Variants in ANKFN1 observed in about 807,000 individuals in gnomAD.
The protein encoded by ANKFN1 is ankyrin repeat and fibronectin type-III domain-containing protein 1.
ANKFN1 carries 74 observed loss-of-function variants against 108.7 expected under a neutral mutation model. That is an observed-to-expected ratio of 0.68 (90% CI 0.56 to 0.83). ANKFN1 has a LOEUF of 0.83. Among genes scored for constraint, ANKFN1 ranks in the 40% least tolerant of loss-of-function variants. The pLI is 0.00. For synonymous variants in ANKFN1, 547 were observed against 516.2 expected (o/e 1.06, Z -0.81); for missense variants, 1,505 against 1,382.3 (o/e 1.09, Z -1.41).
chr17:56,064,912 G>A (rs1476436509), intron 4 of ANKFN1, among the ~76,000 whole-genome samples: 1 of 152,156 alleles, frequency 6.6e-6, no homozygotes. Context: ...AAAAAGCATG[G>A]TTTCCCCACC....
intron 4 of ANKFN1, among the ~76,000 whole-genome samples, chr17:56,049,887 A>G (rs978102105): frequency 2.0e-5 from 3 of 151,494 alleles, no homozygotes; most frequent in Non-Finnish European, 2.9e-5. Flanking sequence ...CATGATTTAT[A>G]GTCCTTTGGG....
chr17:56,051,751 C>T (rs1312635021), intron 4 of ANKFN1, among the ~76,000 whole-genome samples: 1 of 149,096 alleles, frequency 6.7e-6, no homozygotes, highest in Non-Finnish European at 1.5e-5. Context: ...GTACAAAAAT[C>T]ACAAGCATTC....
intron 3 of ANKFN1, among the ~76,000 whole-genome samples, chr17:56,312,464 C>G (rs886366786): frequency 2.6e-5 from 4 of 152,150 alleles, no homozygotes; most frequent in African/African-American, 9.7e-5. Context: ...TCCTTTCACA[C>G]TCCTTTAGTT....
rs1235900138 is a variant in ANKFN1 at position 56,510,599 on chromosome 17, T to C, written c.2771T>C (p.Ile924Thr). Residue 924 changes from isoleucine (I) to threonine (T), a missense_variant, in exon 21 of 21, where the codon ATT becomes ACT. Transcript: ENST00000682825. Reference protein sequence around the residue: ...LDLVYLSSHDIAQQTLSGLSG... With the variant: ...LDLVYLSSHDTAQQTLSGLSG... ...CTGGTCTACCTATCATCTCACGACA[T>C]TGCGCAGCAGACCCTTAGCGGCCTA... 13 of 1,536,032 alleles carry C rather than the reference T, an allele frequency of 8.5e-6. No individual in the cohort carries two copies. The highest frequency in any genetic ancestry group is 3.6e-5 in the South Asian group (3 of 84,064).
At chr17:56,083,319 G>A (rs1162231100) in intron 4 of ANKFN1, among the ~76,000 whole-genome samples, 6 of 151,246 alleles carry the variant, frequency 4.0e-5, no homozygotes, top group Admixed American at 3.3e-4. Context: ...AATGTATTTT[G>A]TGCACCTATC....
chr17:56,337,440 G>A (rs1014310328), intron 4 of ANKFN1, among the ~76,000 whole-genome samples: 2 of 152,008 alleles, frequency 1.3e-5, no homozygotes, highest in Non-Finnish European at 2.9e-5. Context: ...AAAAGCAATG[G>A]CAACAAAAGC....
intron 15 of ANKFN1, among the ~76,000 whole-genome samples, chr17:56,467,798 GAAAGAAAGAAAGAAAGA>G (rs2050159262): frequency 6.8e-4 from 21 of 30,852 alleles, no homozygotes; most frequent in African/African-American, 9.9e-4. Context: ...AAAGAAGAAA[GAAAGAAAGAAAGAAAGA>G]AAGAAAGAAA....
chr17:56,067,750 A>G (rs1905077112), intron 4 of ANKFN1, among the ~76,000 whole-genome samples: 1 of 152,234 alleles, frequency 6.6e-6, no homozygotes, highest in Non-Finnish European at 1.5e-5. Flanking sequence ...AGCTTTCCTC[A>G]GCTTACCAGC....
At chr17:56,345,641 C>A (rs1465110430) in intron 4 of ANKFN1, among the ~76,000 whole-genome samples, 1 of 152,126 alleles carries the variant, frequency 6.6e-6, no homozygotes, top group East Asian at 1.9e-4. Context: ...CTCTAATGAC[C>A]AGTGATGATA....
chr17:56,302,178 C>T (rs369502629), intron 3 of ANKFN1, among the ~76,000 whole-genome samples: 2 of 152,154 alleles, frequency 1.3e-5, no homozygotes, highest in South Asian at 4.1e-4. Context: ...GTTAAAAAAA[C>T]TTGTCCAAAT....
intron 4 of ANKFN1, among the ~76,000 whole-genome samples, chr17:56,049,593 C>T (rs1377301685): frequency 1.3e-5 from 2 of 151,658 alleles, no homozygotes; most frequent in Non-Finnish European, 2.9e-5. Context: ...TTCCTGTGTC[C>T]ATGTGTTCTC....
At chr17:56,322,488 C>T (rs1458924001) in intron 3 of ANKFN1, among the ~76,000 whole-genome samples, 1 of 152,178 alleles carries the variant, frequency 6.6e-6, no homozygotes, top group Non-Finnish European at 1.5e-5. Flanking sequence ...TATGGCATAA[C>T]ATCCAAACTC....
chr17:56,427,799 G>A (rs2048617706), intron 8 of ANKFN1, among the ~76,000 whole-genome samples: 1 of 152,168 alleles, frequency 6.6e-6, no homozygotes, highest in African/African-American at 2.4e-5. Flanking sequence ...AGATAAGAGA[G>A]ACAGGAGTTT....
At chr17:56,419,866 G>T (rs1190470567) in intron 8 of ANKFN1, among the ~76,000 whole-genome samples, 1 of 151,122 alleles carries the variant, frequency 6.6e-6, no homozygotes, top group Non-Finnish European at 1.5e-5. Flanking sequence ...TAAATAATCT[G>T]ATTTTGCTCT....
intron 4 of ANKFN1, among the ~76,000 whole-genome samples, chr17:56,087,878 C>G (rs1209202916): frequency 6.6e-6 from 1 of 151,274 alleles, no homozygotes; most frequent in Non-Finnish European, 1.5e-5. Context: ...AAGCCCTTTA[C>G]AGAAAGAGTT....
intron 8 of ANKFN1, among the ~76,000 whole-genome samples, chr17:56,382,866 A>G (rs547995617): frequency 1.4e-4 from 21 of 152,316 alleles, no homozygotes; most frequent in African/African-American, 3.9e-4. Context: ...TTAGACTCCC[A>G]CACAATAATA....
chr17:56,325,796 T>C (rs1433222888), intron 3 of ANKFN1, among the ~76,000 whole-genome samples: 5 of 152,186 alleles, frequency 3.3e-5, no homozygotes, highest in Non-Finnish European at 7.3e-5. Context: ...TGTAGATCAT[T>C]TGCACTCACA....
chr17:56,090,788 T>A (rs1567784854), intron 4 of ANKFN1, among the ~76,000 whole-genome samples: 1 of 151,030 alleles, frequency 6.6e-6, no homozygotes, highest in African/African-American at 2.4e-5. Context: ...AAAAAAATTT[T>A]GTACAGATTG....
chr17:56,354,069 C>A (rs748735123), intron 6 of ANKFN1, 23 bp downstream of exon 6: 1 of 1,608,562 alleles, frequency 6.2e-7, no homozygotes, highest in Middle Eastern at 1.7e-4. Context: ...AGAATAAACA[C>A]ATGTACTATT....
Sources: allele counts gnomAD v4.1 joint callset (sites outside exome capture counted in the v4.1 genomes callset), GRCh38; gene constraint gnomAD v4.1.1; transcripts MANE v1.5; gene names NCBI Gene and HGNC (gene_info 2026-07-23, HGNC 2026-07-21).